The following SDK1 variants were observed in gnomAD, a reference collection of about 807,000 sequenced individuals.
SDK1 encodes protein sidekick-1.
Under a neutral mutation model 245.5 loss-of-function variants are expected in SDK1, and 157 were observed. The ratio of observed to expected loss-of-function variants is 0.64; its 90% CI spans 0.56 to 0.73. The LOEUF is 0.73. Ranked by LOEUF, SDK1 falls within the 30% of genes least tolerant of loss-of-function variation. SDK1 has a pLI of 0.00. For synonymous variants in SDK1, 1,647 were observed against 1,278.5 expected (o/e 1.29, Z -6.15); for missense variants, 3,583 against 3,002.3 (o/e 1.19, Z -4.52).
intron 5 of SDK1, among the ~76,000 whole-genome samples, chr7:3,831,897 A>G (rs188667876): frequency 6.6e-5 from 10 of 152,192 alleles, no homozygotes; most frequent in African/African-American, 2.4e-4. Flanking sequence ...CAAAAACAAA[A>G]AAAACGTGCC....
chr7:4,049,948 T>G (rs1296817955), intron 18 of SDK1, among the ~76,000 whole-genome samples: 2 of 152,176 alleles, frequency 1.3e-5, no homozygotes, highest in East Asian at 1.9e-4. Flanking sequence ...CATACTGAAT[T>G]AGACACATAG....
chr7:3,911,989 G>A (rs572767153), intron 5 of SDK1, among the ~76,000 whole-genome samples: 1 of 152,190 alleles, frequency 6.6e-6, no homozygotes, highest in East Asian at 1.9e-4. Flanking sequence ...TCTAGGGAAG[G>A]GGCCAACTTG....
chr7:3,832,627 C>A (rs535163551), intron 5 of SDK1, among the ~76,000 whole-genome samples: 1 of 152,242 alleles, frequency 6.6e-6, no homozygotes, highest in South Asian at 2.1e-4. Flanking sequence ...TTTCCAAGAA[C>A]ACTTCGTATC....
chr7:3,910,236 G>A (rs749574515), intron 5 of SDK1, among the ~76,000 whole-genome samples: 6 of 152,172 alleles, frequency 3.9e-5, no homozygotes, highest in Non-Finnish European at 5.9e-5. Context: ...GAGGCTGAGC[G>A]TTTCAAAGAG....
intron 1 of SDK1, among the ~76,000 whole-genome samples, chr7:3,489,063 G>C (rs911091680): frequency 2.6e-5 from 4 of 152,076 alleles, no homozygotes; most frequent in African/African-American, 9.7e-5. Flanking sequence ...TTGATTCATG[G>C]CTTGAGGGCC....
intron 5 of SDK1, among the ~76,000 whole-genome samples, chr7:3,824,460 T>G (rs1779723110): frequency 1.3e-5 from 2 of 152,188 alleles, no homozygotes; most frequent in East Asian, 3.8e-4. Flanking sequence ...GGTAATTAAA[T>G]TCCTGGTGGA....
At chr7:3,674,118 T>C (rs1783813125) in intron 4 of SDK1, among the ~76,000 whole-genome samples, 1 of 152,116 alleles carries the variant, frequency 6.6e-6, no homozygotes, top group African/African-American at 2.4e-5. Context: ...CACATGTTGA[T>C]TGAAGCACAG....
chr7:3,829,024 T>C (rs753499384), intron 5 of SDK1, among the ~76,000 whole-genome samples: 1 of 152,214 alleles, frequency 6.6e-6, no homozygotes, highest in Non-Finnish European at 1.5e-5. Flanking sequence ...CTTTGAATCA[T>C]GTGTTTTTTA....
intron 1 of SDK1, among the ~76,000 whole-genome samples, chr7:3,448,929 T>A (rs1780428527): frequency 6.6e-6 from 1 of 152,202 alleles, no homozygotes; most frequent in Non-Finnish European, 1.5e-5. Context: ...GGAAGGATTA[T>A]TCCTGCGAAC....
At chr7:3,801,537 C>A (rs1226338867) in intron 4 of SDK1, among the ~76,000 whole-genome samples, 2 of 152,214 alleles carry the variant, frequency 1.3e-5, no homozygotes, top group Non-Finnish European at 2.9e-5. Flanking sequence ...ATCGTCCTCT[C>A]TCCTTAGCCC....
At chr7:4,155,111 C>T (rs950734362) in intron 30 of SDK1, among the ~76,000 whole-genome samples, 3 of 151,996 alleles carry the variant, frequency 2.0e-5, no homozygotes, top group East Asian at 1.9e-4. Context: ...GGGTTGATAG[C>T]ACTGCCCTCT....
In SDK1 at chr7:4,257,425, A is replaced by G. The variant is rs117217207; in HGVS notation, c.6382-7699A>G. On this transcript the variant is annotated intron_variant, in intron 44 of 44. Coordinates refer to ENST00000404826, the MANE Select transcript of SDK1 (RefSeq NM_152744.4). Reference sequence around the variant, plus strand: ...ACTCTGCAGCATTTCCATTTTGTCAATAATTCTAACTCACTAAAATACATC... The same window carrying G: ...ACTCTGCAGCATTTCCATTTTGTCAGTAATTCTAACTCACTAAAATACATC... 1.6e-3 allele frequency among the ~76,000 whole-genome samples: 240 copies of G among 152,340 alleles called. 5 individuals are homozygous for G. The East Asian group carries it at 0.044, about 28-fold the overall frequency.
At chr7:3,837,629 C>T (rs2115082851) in intron 5 of SDK1, among the ~76,000 whole-genome samples, 1 of 152,292 alleles carries the variant, frequency 6.6e-6, no homozygotes, top group East Asian at 1.9e-4. Flanking sequence ...GTTGCTTCTA[C>T]ATTAGCTGGC....
At chr7:3,882,299 T>C (rs1276738702) in intron 5 of SDK1, among the ~76,000 whole-genome samples, 1 of 152,130 alleles carries the variant, frequency 6.6e-6, no homozygotes, top group Non-Finnish European at 1.5e-5. Flanking sequence ...GGGGGGTGGC[T>C]GTAGAGGCCC....
chr7:4,115,277 T>C (rs543969538), intron 25 of SDK1, among the ~76,000 whole-genome samples: 3 of 152,314 alleles, frequency 2.0e-5, no homozygotes, highest in Admixed American at 6.5e-5. Flanking sequence ...GCTTGACAGA[T>C]GGAGGGGCTG....
intron 12 of SDK1, 56 bp from the exon 13 acceptor site, chr7:3,974,313 G>C (rs1304113572): frequency 6.9e-7 from 1 of 1,449,914 alleles, no homozygotes; most frequent in Non-Finnish European, 9.5e-7. Context: ...CAGGGAAGGA[G>C]CAGTGATTCT....
At chr7:4,075,643 G>T (rs1780622872) in intron 20 of SDK1, among the ~76,000 whole-genome samples, 2 of 151,120 alleles carry the variant, frequency 1.3e-5, no homozygotes, top group Admixed American at 6.6e-5. Context: ...GAGCTAGTTG[G>T]GTCTTATTTC....
chr7:3,578,755 C>T (rs1562576628), intron 1 of SDK1, among the ~76,000 whole-genome samples: 2 of 151,868 alleles, frequency 1.3e-5, no homozygotes, highest in Non-Finnish European at 2.9e-5. Flanking sequence ...TTTTGCCTCA[C>T]CCCACAGGCA....
At chr7:3,553,680 T>C (rs1255388459) in intron 1 of SDK1, among the ~76,000 whole-genome samples, 1 of 152,186 alleles carries the variant, frequency 6.6e-6, no homozygotes, top group Non-Finnish European at 1.5e-5. Context: ...ATACCTGGGC[T>C]TCTGTGAAGC....
Sources: allele counts gnomAD v4.1 joint callset (sites outside exome capture counted in the v4.1 genomes callset), GRCh38; gene constraint gnomAD v4.1.1; transcripts MANE v1.5; gene names NCBI Gene and HGNC (gene_info 2026-07-23, HGNC 2026-07-21).